Variants in NOS1 observed in about 807,000 individuals in gnomAD.
NOS1 encodes the protein nitric oxide synthase 1.
A neutral mutation model predicts 164.5 loss-of-function variants in NOS1; 51 were observed. The observed-to-expected ratio is 0.31, with a 90% CI of 0.25 to 0.39. The LOEUF is 0.39. Among genes scored for constraint, NOS1 ranks in the 10% least tolerant of loss-of-function variants. The probability of loss-of-function intolerance (pLI) is 1.00; values close to 1 mark genes in which losing one functional copy is unlikely to be tolerated. For synonymous variants in NOS1, 719 were observed against 745.8 expected (o/e 0.96, Z 0.59); for missense variants, 1,362 against 1,885.6 (o/e 0.72, Z 5.14).
chr12:117,289,547 T>C (rs1211213783), intron 4 of NOS1, among the ~76,000 whole-genome samples: 1 of 152,244 alleles, frequency 6.6e-6, no homozygotes, highest in Non-Finnish European at 1.5e-5. Flanking sequence ...AAGTTCGGGA[T>C]ACACGTGCAG....
intron 17 of NOS1, among the ~76,000 whole-genome samples, chr12:117,250,354 G>A (rs816349): frequency 0.097 from 13,672 of 140,866 alleles, 675 homozygotes; most frequent in South Asian, 0.14. Context: ...TTTAGACAGA[G>A]TTTTGCTCTT....
intron 12 of NOS1, among the ~76,000 whole-genome samples, chr12:117,264,644 T>C (rs1872232914): frequency 9.7e-6 from 1 of 103,512 alleles, no homozygotes. Flanking sequence ...TTCCCCCCTC[T>C]CCCTCTTTCC....
At position 117,208,371 on chromosome 12, in the gene NOS1, G is replaced by A. The variant is rs1025230127; in HGVS notation, c.*6938C>T. 4.1e-6 allele frequency: 5 copies of A among 1,222,808 alleles called. No homozygotes were observed. Among genetic ancestry groups the A allele is most frequent in the Non-Finnish European group, 4.2e-6 (4 of 959,350 alleles). 75.7% of individuals were successfully genotyped at this position (1,222,808 alleles called of 1,614,324 possible). A position where few individuals can be genotyped will look rare whatever the true frequency, so the allele number is the denominator to read the frequency against. On this transcript the variant is annotated 3_prime_UTR_variant, in exon 29 of 29. Coordinates refer to ENST00000317775, the MANE Select transcript of NOS1 (RefSeq NM_000620.5). ...GCATTGAGAGCTCAGAGGTAGGGGG[G>A]ACGGCCGAGTTTCTGACAGCGTGTG...
In NOS1 at chr12:117,263,985, A is replaced by T; in HGVS notation, c.2137-11T>A. 6.2e-7 allele frequency: 1 copy of T among 1,611,786 alleles called. No individual in the cohort carries two copies. The highest frequency in any genetic ancestry group is 8.5e-7 in the Non-Finnish European group (1 of 1,178,244). On this transcript the variant is annotated splice_polypyrimidine_tract_variant and intron_variant, in intron 12 of 28. Coordinates refer to ENST00000317775, the MANE Select transcript of NOS1 (RefSeq NM_000620.5). ...GTTCCAGGGATCAGGCTGGGAAGAG[A>T]AGGAGAGGGCTATGGTCACTCACTG...
chr12:117,298,331 G>A (rs1286203479), intron 3 of NOS1, among the ~76,000 whole-genome samples: 1 of 152,124 alleles, frequency 6.6e-6, no homozygotes, highest in African/African-American at 2.4e-5. Flanking sequence ...CAGAGCCCAG[G>A]CGGTAATGCG....
At chr12:117,233,004 A>C (rs906294409) in intron 21 of NOS1, among the ~76,000 whole-genome samples, 2 of 148,156 alleles carry the variant, frequency 1.3e-5, no homozygotes, top group Non-Finnish European at 3.0e-5. Context: ...AGTAGCTGGG[A>C]CTACAGACGT....
intron 1 of NOS1, among the ~76,000 whole-genome samples, chr12:117,334,637 C>T (rs1052955309): frequency 5.9e-5 from 9 of 152,270 alleles, no homozygotes; most frequent in Middle Eastern, 3.4e-3. Flanking sequence ...TCAAGTGATC[C>T]GCCTGCCTCA....
chr12:117,269,197 T>C (rs1267468064), intron 10 of NOS1, among the ~76,000 whole-genome samples: 1 of 151,860 alleles, frequency 6.6e-6, no homozygotes, highest in Non-Finnish European at 1.5e-5. Flanking sequence ...GAGCCCTAAG[T>C]GATGAGAAGA....
chr12:117,224,432 C>T (rs1220352950), intron 25 of NOS1, among the ~76,000 whole-genome samples: 1 of 152,128 alleles, frequency 6.6e-6, no homozygotes, highest in East Asian at 1.9e-4. Context: ...ACTACATGTG[C>T]CCGCCACCAC....
chr12:117,222,885 T>C lies in NOS1; in HGVS notation c.3827-22A>G, dbSNP rs2271984. 4,550 of 1,609,126 alleles carry C rather than the reference T, an allele frequency of 2.8e-3. 132 individuals are homozygous for C. The East Asian group carries it at 0.072, about 25-fold the overall frequency. On this transcript the variant is annotated intron_variant, in intron 25 of 28. Coordinates refer to ENST00000317775, the MANE Select transcript of NOS1 (RefSeq NM_000620.5). ...ATTCCTGGGGACCAGGAAGACCTTA[T>C]GTCACCGATGGCTCTCTGCCTGATG...
chr12:117,238,503 GTTTCT>G (rs139116957), intron 20 of NOS1, among the ~76,000 whole-genome samples: 20,001 of 151,218 alleles, frequency 0.13, 1,729 homozygotes, highest in Admixed American at 0.3. Flanking sequence ...GAGAGCTATT[GTTTCT>G]TTTCTTTTCT....
intron 14 of NOS1, among the ~76,000 whole-genome samples, chr12:117,259,374 G>T (rs748766478): frequency 3.3e-4 from 50 of 152,168 alleles, no homozygotes; most frequent in Non-Finnish European, 5.7e-4. Context: ...TGGTCACTGT[G>T]GCCTGAAGGG....
intron 1 of NOS1, among the ~76,000 whole-genome samples, chr12:117,334,592 G>C (rs1875716025): frequency 6.6e-6 from 1 of 152,030 alleles, no homozygotes; most frequent in African/African-American, 2.4e-5. Context: ...ATAGGGTTTT[G>C]CCATGTTGGA....
At chr12:117,215,490 G>A (rs1424955736) in intron 28 of NOS1, among the ~76,000 whole-genome samples, 166 bp from the exon 29 acceptor site, 5 of 150,830 alleles carry the variant, frequency 3.3e-5, no homozygotes. Flanking sequence ...AGGCTGGAGT[G>A]CAGTGGCACG....
At chr12:117,312,234 T>C (rs753720707) in intron 2 of NOS1, among the ~76,000 whole-genome samples, 7 of 152,288 alleles carry the variant, frequency 4.6e-5, no homozygotes, top group Admixed American at 1.3e-4. Context: ...TTTTAAAAAA[T>C]ATTATTTTAT....
rs751427239 is a variant in NOS1 at position 117,285,359 on chromosome 12, T to C, written c.1291-27A>G. The C allele has an allele frequency of 4.0e-5, 61 of 1,509,802 alleles. No homozygotes were observed. The South Asian group carries it at 5.9e-4, about 15-fold the overall frequency. 93.5% of individuals were successfully genotyped at this position (1,509,802 alleles called of 1,614,324 possible). A position where few individuals can be genotyped will look rare whatever the true frequency, so the allele number is the denominator to read the frequency against. ...TGGAAGAGGCACAGGGCGGAACTGA[T>C]TGCCTCTTCTTTCCCTCCCCAGCTC... On this transcript the variant is annotated intron_variant, in intron 6 of 28. Coordinates refer to ENST00000317775, the MANE Select transcript of NOS1 (RefSeq NM_000620.5).
intron 2 of NOS1, among the ~76,000 whole-genome samples, chr12:117,319,046 T>C (rs1874792737): frequency 6.6e-6 from 1 of 152,200 alleles, no homozygotes; most frequent in Non-Finnish European, 1.5e-5. Flanking sequence ...GAAGTTCTTG[T>C]TAAACAGAAA....
intron 20 of NOS1, 40 bp downstream of exon 20, chr12:117,242,587 G>A (rs1870272688): frequency 3.3e-6 from 5 of 1,535,370 alleles, no homozygotes; most frequent in Non-Finnish European, 3.6e-6. Flanking sequence ...TGGCATTTGG[G>A]AGAAGACGTA....
intron 13 of NOS1, among the ~76,000 whole-genome samples, chr12:117,262,514 G>GAGGA (rs1555253185): frequency 6.8e-6 from 1 of 146,332 alleles, no homozygotes; most frequent in African/African-American, 2.6e-5. Context: ...AGAAGAGAGA[G>GAGGA]GAGAGAGAGA....
Sources: gnomAD v4.1 joint callset for allele counts (sites outside exome capture counted in the v4.1 genomes callset) on GRCh38, gnomAD v4.1.1 for gene constraint, MANE v1.5 for transcripts, NCBI Gene and HGNC (gene_info 2026-07-23, HGNC 2026-07-21) for gene names.